The following RAB10 variants were observed in gnomAD, a reference collection of about 807,000 sequenced individuals.
The protein encoded by RAB10 is ras-related protein Rab-10.
Under a neutral mutation model 25.7 loss-of-function variants are expected in RAB10, and 5 were observed. The ratio of observed to expected loss-of-function variants is 0.19; its 90% CI spans 0.10 to 0.41. The LOEUF (loss-of-function observed/expected upper bound fraction) is 0.41. Ranked by LOEUF, RAB10 falls within the 10% of genes least tolerant of loss-of-function variation. The probability of loss-of-function intolerance (pLI) is 1.00; values close to 1 mark genes in which losing one functional copy is unlikely to be tolerated. For missense variants in RAB10, 103 were observed against 245.8 expected (o/e 0.42, Z 3.89); for synonymous variants, 89 against 86.4 (o/e 1.03, Z -0.16).
At chr2:26,067,436 T>C (rs1321304296) in intron 1 of RAB10, among the ~76,000 whole-genome samples, 3 of 152,202 alleles carry the variant, frequency 2.0e-5, no homozygotes, top group African/African-American at 7.2e-5. Flanking sequence ...TATGTACATA[T>C]TTTTTCCATG....
intron 1 of RAB10, among the ~76,000 whole-genome samples, chr2:26,052,360 TG>T: frequency 6.6e-6 from 1 of 152,032 alleles, no homozygotes; most frequent in Non-Finnish European, 1.5e-5. Flanking sequence ...TTCTCCAGCC[TG>T]GGCAACAGAG....
chr2:26,127,296 T>G (rs1667925929), intron 4 of RAB10, 63 bp downstream of exon 4: 2 of 1,216,988 alleles, frequency 1.6e-6, no homozygotes, highest in South Asian at 2.7e-5. Flanking sequence ...TACTTTTGAT[T>G]ATTTTTATAG....
intron 1 of RAB10, among the ~76,000 whole-genome samples, chr2:26,064,841 G>A (rs1666480105): frequency 6.6e-6 from 1 of 152,172 alleles, no homozygotes; most frequent in African/African-American, 2.4e-5. Flanking sequence ...GAAGCCAGGA[G>A]TCGGAGACCA....
At position 26,034,227 on chromosome 2, in the gene RAB10, A is replaced by G. The variant is rs1378826981; in HGVS notation, c.-382A>G. 1.8e-5 allele frequency: 8 copies of G among 435,152 alleles called. No individual in the cohort carries two copies. The highest frequency in any genetic ancestry group is 3.3e-5 in the Non-Finnish European group (8 of 245,896). The allele number at this position is 435,152 out of a possible 1,614,324, so 27.0% of individuals were successfully genotyped here. A position where few individuals can be genotyped will look rare whatever the true frequency, so the allele number is the denominator to read the frequency against. Reference sequence around the variant, plus strand: ...CTGCCCTCGCCGCGTGCTAGCAGGGAGTTTCCGCTCGGGAGAGAGACTGTC... The same window carrying G: ...CTGCCCTCGCCGCGTGCTAGCAGGGGGTTTCCGCTCGGGAGAGAGACTGTC... On this transcript the variant is annotated 5_prime_UTR_variant, in exon 1 of 6. Coordinates refer to ENST00000264710, the MANE Select transcript of RAB10 (RefSeq NM_016131.5).
At chr2:26,110,465 A>G (rs1269451229) in intron 3 of RAB10, among the ~76,000 whole-genome samples, 1 of 152,192 alleles carries the variant, frequency 6.6e-6, no homozygotes, top group Non-Finnish European at 1.5e-5. Flanking sequence ...GCCATCTTAC[A>G]AGATGACCCC....
At chr2:26,045,596 G>A (rs1665984444) in intron 1 of RAB10, among the ~76,000 whole-genome samples, 1 of 152,204 alleles carries the variant, frequency 6.6e-6, no homozygotes, top group South Asian at 2.1e-4. Context: ...AAGAACGAAG[G>A]AGTAGGAGCT....
intron 1 of RAB10, among the ~76,000 whole-genome samples, chr2:26,086,047 G>A (rs1175165704): frequency 6.9e-6 from 1 of 143,922 alleles, no homozygotes; most frequent in African/African-American, 2.6e-5. Flanking sequence ...CGATGCGGTA[G>A]CTCACGCCTG....
At chr2:26,048,814 T>C (rs1044389695) in intron 1 of RAB10, among the ~76,000 whole-genome samples, 11 of 152,314 alleles carry the variant, frequency 7.2e-5, no homozygotes, top group Non-Finnish European at 1.6e-4. Flanking sequence ...AGGTTGAGGC[T>C]GCAGTGAGCT....
rs1303245321 is a variant in RAB10, at chr2:26,056,928, A to T, written c.127+22193A>T. 3.3e-5 allele frequency among the ~76,000 whole-genome samples: 5 copies of T among 152,208 alleles called. No homozygotes were observed. The East Asian group carries it at 9.7e-4, about 29-fold the overall frequency. On this transcript the variant is annotated intron_variant, in intron 1 of 5. Coordinates refer to ENST00000264710, the MANE Select transcript of RAB10 (RefSeq NM_016131.5). ...TGAGCCACTGAGCCTGGCCCTAAAA[A>T]CTGTGTGGTGCCTACTATGAAGGAC...
chr2:26,064,463 A>G (rs906612810), intron 1 of RAB10, among the ~76,000 whole-genome samples: 5 of 152,048 alleles, frequency 3.3e-5, no homozygotes, highest in Non-Finnish European at 7.4e-5. Context: ...CTGGGACTAC[A>G]GGGGTGTGCC....
At chr2:26,112,392 A>C (rs1325303790) in intron 3 of RAB10, among the ~76,000 whole-genome samples, 1 of 152,132 alleles carries the variant, frequency 6.6e-6, no homozygotes, top group East Asian at 1.9e-4. Flanking sequence ...GTCATCAGTC[A>C]CCTCATTAGC....
At chr2:26,106,001 C>G (rs1667457902) in intron 2 of RAB10, among the ~76,000 whole-genome samples, 1 of 152,156 alleles carries the variant, frequency 6.6e-6, no homozygotes, top group Non-Finnish European at 1.5e-5. Context: ...ATGACATAGT[C>G]TAATGATGCA....
chr2:26,107,941 A>G (rs978287949), intron 2 of RAB10, among the ~76,000 whole-genome samples: 72 of 152,208 alleles, frequency 4.7e-4, no homozygotes, highest in Non-Finnish European at 7.8e-4. Flanking sequence ...AGGGAAATAC[A>G]GATTAATGTG....
intron 3 of RAB10, among the ~76,000 whole-genome samples, chr2:26,114,895 C>CT (rs1667650040): frequency 6.6e-6 from 1 of 151,830 alleles, no homozygotes; most frequent in South Asian, 2.1e-4. Flanking sequence ...GAGTGAGACT[C>CT]TGTCTCAAAA....
chr2:26,066,008 C>T (rs1666505178), intron 1 of RAB10, among the ~76,000 whole-genome samples: 1 of 152,114 alleles, frequency 6.6e-6, no homozygotes. Flanking sequence ...AAAATTTTAT[C>T]TTCAGTGTTA....
chr2:26,119,068 A>T (rs1315133679), intron 3 of RAB10, among the ~76,000 whole-genome samples: 1 of 152,194 alleles, frequency 6.6e-6, no homozygotes, highest in Non-Finnish European at 1.5e-5. Context: ...TGAAGTCTTT[A>T]ACCTCATCAT....
chr2:26,040,057 G>A (rs1301587090), intron 1 of RAB10, among the ~76,000 whole-genome samples: 4 of 152,172 alleles, frequency 2.6e-5, no homozygotes, highest in Non-Finnish European at 5.9e-5. Flanking sequence ...TCTAAACAAT[G>A]TAAAGTAGCC....
Position 26,034,743 on chromosome 2 carries a change from C to T in RAB10, c.127+8C>T, listed in dbSNP as rs752785965. Reference sequence around the variant, plus strand: ...CCTTTATTTCCACCATAGGTAAGACCTGTGGGAGGACGGTGTACGGTCTCG... The same window carrying T: ...CCTTTATTTCCACCATAGGTAAGACTTGTGGGAGGACGGTGTACGGTCTCG... On this transcript the variant is annotated splice_region_variant and intron_variant, in intron 1 of 5. Coordinates refer to ENST00000264710, the MANE Select transcript of RAB10 (RefSeq NM_016131.5). 6.2e-7 allele frequency: 1 copy of T among 1,614,124 alleles called. No individual in the cohort carries two copies. The highest frequency in any genetic ancestry group is 2.2e-5 in the East Asian group (1 of 44,886).
chr2:26,068,918 G>T (rs1411221228), intron 1 of RAB10, among the ~76,000 whole-genome samples: 2 of 152,164 alleles, frequency 1.3e-5, no homozygotes, highest in African/African-American at 4.8e-5. Context: ...TTATCTCTTC[G>T]TGGGGGAGAG....
Sources: allele counts gnomAD v4.1 joint callset (sites outside exome capture counted in the v4.1 genomes callset), GRCh38; gene constraint gnomAD v4.1.1; transcripts MANE v1.5; gene names NCBI Gene and HGNC (gene_info 2026-07-23, HGNC 2026-07-21).